Variants in PCDHGA3 observed in about 807,000 individuals in gnomAD.
PCDHGA3 encodes protocadherin gamma-A3.
PCDHGA3 carries 40 observed loss-of-function variants against 58.5 expected under a neutral mutation model. The ratio of observed to expected loss-of-function variants is 0.68; its 90% CI spans 0.53 to 0.89. PCDHGA3 has a LOEUF of 0.89. Ranked by LOEUF, PCDHGA3 falls within the 40% of genes least tolerant of loss-of-function variation. The probability of loss-of-function intolerance (pLI) is 0.00; values close to 1 mark genes in which losing one functional copy is unlikely to be tolerated. For missense variants in PCDHGA3, 1,223 were observed against 1,195.9 expected (o/e 1.02, Z -0.33); for synonymous variants, 530 against 525.7 (o/e 1.01, Z -0.11).
At chr5:141,466,077 A>G (rs1220036084) in intron 1 of PCDHGA3, among the ~76,000 whole-genome samples, 2 of 152,108 alleles carry the variant, frequency 1.3e-5, no homozygotes, top group Non-Finnish European at 2.9e-5. Context: ...AGCTGATATC[A>G]TGCCACTGCA....
At chr5:141,408,687 T>C (rs1394182828) in intron 1 of PCDHGA3, 3 of 1,613,928 alleles carry the variant, frequency 1.9e-6, no homozygotes, top group East Asian at 2.2e-5. Flanking sequence ...GATCCTGATA[T>C]AAACATAAAC....
chr5:141,388,795 C>T, intron 1 of PCDHGA3: 1 of 1,613,834 alleles, frequency 6.2e-7, no homozygotes, highest in Admixed American at 1.7e-5. Context: ...GTTTTAAATA[C>T]ATTAGATTTT....
At chr5:141,370,234 A>G (rs1034949073) in intron 1 of PCDHGA3, 24 of 600,046 alleles carry the variant, frequency 4.0e-5, no homozygotes, top group African/African-American at 3.2e-4. Flanking sequence ...CCAGCTCGGA[A>G]GAAAAGTGCA....
intron 1 of PCDHGA3, chr5:141,403,929 G>T: frequency 6.2e-7 from 1 of 1,613,854 alleles, no homozygotes; most frequent in Non-Finnish European, 8.5e-7. Flanking sequence ...GATGGTGGGG[G>T]ATTGAAAGGG....
intron 1 of PCDHGA3, among the ~76,000 whole-genome samples, chr5:141,436,613 A>C (rs1334315821): frequency 1.3e-5 from 2 of 152,206 alleles, no homozygotes; most frequent in Non-Finnish European, 2.9e-5. Flanking sequence ...AGGGCTAACA[A>C]AAATCTGATT....
intron 1 of PCDHGA3, chr5:141,382,974 A>G: frequency 6.2e-7 from 1 of 1,610,398 alleles, no homozygotes; most frequent in Non-Finnish European, 8.5e-7. Flanking sequence ...CCCCCTGGGA[A>G]GCCTGGGCAG....
chr5:141,447,078 G>A (rs531206989), intron 1 of PCDHGA3, among the ~76,000 whole-genome samples: 5 of 152,018 alleles, frequency 3.3e-5, no homozygotes, highest in Non-Finnish European at 7.4e-5. Context: ...TTTAATTTTT[G>A]TTGTTTAATT....
At chr5:141,389,349 A>G in intron 1 of PCDHGA3, 1 of 1,613,980 alleles carries the variant, frequency 6.2e-7, no homozygotes, top group South Asian at 1.1e-5. Context: ...CTCTTACTGC[A>G]TCATGGCCAG....
Position 141,346,470 on chromosome 5 carries a change from A to G in PCDHGA3, c.2424+13A>G, listed in dbSNP as rs374721996. ...CAACCTACTTCAGGTGAGTTTATTT[A>G]TTTCTTTGATTATTAAGAACAAATA... On this transcript the variant is annotated intron_variant, in intron 1 of 3. Coordinates refer to ENST00000253812, the MANE Select transcript of PCDHGA3 (RefSeq NM_018916.4). 6.2e-7 allele frequency: 1 copy of G among 1,613,754 alleles called. No individual in the cohort carries two copies. The highest frequency in any genetic ancestry group is 1.1e-5 in the South Asian group (1 of 91,050).
chr5:141,362,740 A>G (rs1762658302), intron 1 of PCDHGA3: 1 of 732,538 alleles, frequency 1.4e-6, no homozygotes, highest in Non-Finnish European at 2.2e-6. Flanking sequence ...TTATTTACCC[A>G]TGATTGCAAA....
chr5:141,430,997 C>G, intron 1 of PCDHGA3: 1 of 1,613,926 alleles, frequency 6.2e-7, no homozygotes. Context: ...CCTGAATCCG[C>G]GCAGCGGCAG....
chr5:141,431,474 G>A lies in PCDHGA3; in HGVS notation c.2425-63333G>A, dbSNP rs747313827. 2 of 1,613,842 alleles carry A rather than the reference G, an allele frequency of 1.2e-6. No homozygotes were observed. Among genetic ancestry groups the A allele is most frequent in the East Asian group, 4.5e-5 (2 of 44,886 alleles). ...GATGGTTCTGGATGCGAACGACAACGCACCAGCGTTTGCTCAGCCCGAGTA... is the reference window on the plus strand; with the variant it reads ...GATGGTTCTGGATGCGAACGACAACACACCAGCGTTTGCTCAGCCCGAGTA... On this transcript the variant is annotated intron_variant, in intron 1 of 3. Coordinates refer to ENST00000253812, the MANE Select transcript of PCDHGA3 (RefSeq NM_018916.4). This position sits in a 1 kb window ranked among gnomAD's most constrained non-coding sequence, Gnocchi z 4.8.
chr5:141,385,609 A>AT (rs1360178959), intron 1 of PCDHGA3: 2 of 1,138,046 alleles, frequency 1.8e-6, no homozygotes, highest in African/African-American at 3.2e-5. Flanking sequence ...TAACTCATAT[A>AT]TTTTATACAT....
intron 1 of PCDHGA3, chr5:141,351,781 C>T: frequency 1.2e-6 from 2 of 1,613,438 alleles, no homozygotes; most frequent in Non-Finnish European, 1.7e-6. Context: ...GCCCGCAGAG[C>T]GGGGTGGTGT....
intron 1 of PCDHGA3, among the ~76,000 whole-genome samples, chr5:141,484,084 T>A (rs1030166144): frequency 3.3e-5 from 5 of 152,174 alleles, no homozygotes; most frequent in African/African-American, 4.8e-5. Flanking sequence ...TCTTTTGAAA[T>A]GGTCTTCGTT....
At chr5:141,379,462 A>G (rs1775613818) in intron 1 of PCDHGA3, 1 of 152,244 alleles carries the variant, frequency 6.6e-6, no homozygotes, top group African/African-American at 2.4e-5. Context: ...ATAAACTCTG[A>G]AAGTGTGAAT....
intron 1 of PCDHGA3, chr5:141,492,027 A>T (rs1157170828): frequency 8.8e-6 from 5 of 565,466 alleles, no homozygotes; most frequent in African/African-American, 7.7e-5. Flanking sequence ...GGGTCCCGGG[A>T]GGAGGCAGTC....
At position 141,432,374 on chromosome 5, in the gene PCDHGA3, C is replaced by G; in HGVS notation, c.2425-62433C>G. The G allele has an allele frequency of 6.2e-7, 1 of 1,614,240 alleles. No individual in the cohort carries two copies. The highest frequency in any genetic ancestry group is 1.1e-5 in the South Asian group (1 of 91,082). ...GAAAGTGATGGCGCGGGACAACGGG[C>G]ACCCGCCCCTCAGCAGCAACGTGTC... On this transcript the variant is annotated intron_variant, in intron 1 of 3. Transcript: ENST00000253812. The surrounding 1 kb of genome is among the most constrained non-coding windows in gnomAD (Gnocchi z 6.0).
intron 1 of PCDHGA3, among the ~76,000 whole-genome samples, chr5:141,482,274 G>A (rs1219523359): frequency 6.6e-6 from 1 of 152,094 alleles, no homozygotes; most frequent in Non-Finnish European, 1.5e-5. Flanking sequence ...TTTAGCTTAG[G>A]TAAGTCTTTT....
Sources: gnomAD v4.1 joint callset for allele counts (sites outside exome capture counted in the v4.1 genomes callset) on GRCh38, gnomAD v4.1.1 for gene constraint, Gnocchi (gnomAD v3.1) non-coding constraint, MANE v1.5 for transcripts, NCBI Gene and HGNC (gene_info 2026-07-23, HGNC 2026-07-21) for gene names.